The following ZFYVE16 variants were observed in gnomAD, a reference collection of about 807,000 sequenced individuals.
The protein encoded by ZFYVE16 is zinc finger FYVE domain-containing protein 16.
In ZFYVE16, 89 loss-of-function variants were observed where a neutral mutation model predicts 138.1. The ratio of observed to expected loss-of-function variants is 0.64; its 90% CI spans 0.54 to 0.77. The LOEUF (loss-of-function observed/expected upper bound fraction) is 0.77. Ranked by LOEUF, ZFYVE16 falls within the 30% of genes least tolerant of loss-of-function variation. ZFYVE16 has a pLI of 0.00. For missense variants in ZFYVE16, 1,793 were observed against 1,786.7 expected, an observed-to-expected ratio of 1.00 and a Z score of -0.06; for synonymous variants, 596 against 618.3, an observed-to-expected ratio of 0.96 and a Z score of 0.53.
chr5:80,440,539 A>G lies in ZFYVE16; in HGVS notation c.2419+507A>G, dbSNP rs904837885. ...CACACTATTTGCACATTTTTGTCTC[A>G]TGTTTTTTTCTTTTCTCAACTTTAG... On this transcript the variant is annotated intron_variant, in intron 5 of 18. Transcript: ENST00000505560. The G allele has an allele frequency of 1.2e-5, 12 of 984,748 alleles. No homozygotes were observed. The African/African-American group carries it at 1.9e-4, about 16-fold the overall frequency. 61.0% of individuals were successfully genotyped at this position (984,748 alleles called of 1,614,324 possible). A position where few individuals can be genotyped will look rare whatever the true frequency, so the allele number is the denominator to read the frequency against.
rs1755127601 is a variant in ZFYVE16, at chr5:80,478,773, A to G, written c.*1396A>G. 1 of 152,154 alleles carries G rather than the reference A, an allele frequency of 6.6e-6. No individual in the cohort carries two copies. Among genetic ancestry groups the G allele is most frequent in the Non-Finnish European group, 1.5e-5 (1 of 67,984 alleles). The allele number at this position is 152,154 out of a possible 1,614,324, so 9.4% of individuals were successfully genotyped here. A position where few individuals can be genotyped will look rare whatever the true frequency, so the allele number is the denominator to read the frequency against. On this transcript the variant is annotated 3_prime_UTR_variant, in exon 19 of 19. Transcript: ENST00000505560. ...AGAATTTTAATCAGTTTGGGCATATAGTTTGGACTGAATCACATCTGTAGT... is the reference window on the plus strand; with the variant it reads ...AGAATTTTAATCAGTTTGGGCATATGGTTTGGACTGAATCACATCTGTAGT...
At position 80,470,035 on chromosome 5, in the gene ZFYVE16, GTATA is replaced by G. The variant is rs531281055; in HGVS notation, c.4025-2720_4025-2717del. Among the ~76,000 whole-genome samples, 395 of 147,926 alleles carry G rather than the reference GTATA, an allele frequency of 2.7e-3. 2 individuals carry two copies. Among genetic ancestry groups the G allele is most frequent in the African/African-American group, 9.5e-3 (380 of 40,080 alleles). Reference sequence around the variant, plus strand: ...CATACATATATACATATATATGTGTGTATATATATGTGTGTGTGTGTATATATAC... The same window carrying G: ...CATACATATATACATATATATGTGTGTATATGTGTGTGTGTGTATATATAC... On this transcript the variant is annotated intron_variant, in intron 15 of 18. Coordinates refer to ENST00000505560, the MANE Select transcript of ZFYVE16 (RefSeq NM_001284236.3).
chr5:80,416,187 G>A (rs1746190181), intron 1 of ZFYVE16, among the ~76,000 whole-genome samples: 1 of 150,284 alleles, frequency 6.7e-6, no homozygotes, highest in Admixed American at 6.6e-5. Flanking sequence ...TTGCGTGGGA[G>A]ATTTGTCTTT....
intron 6 of ZFYVE16, among the ~76,000 whole-genome samples, chr5:80,444,215 A>G (rs1751039234): frequency 1.3e-5 from 2 of 152,174 alleles, no homozygotes; most frequent in Non-Finnish European, 1.5e-5. Context: ...TAATGAAATA[A>G]GGAGACTCAG....
intron 1 of ZFYVE16, among the ~76,000 whole-genome samples, chr5:80,422,452 T>A (rs565810057): frequency 2.5e-4 from 38 of 152,238 alleles, no homozygotes; most frequent in African/African-American, 8.9e-4. Flanking sequence ...ATATTGTATT[T>A]GTTTTGTTTT....
intron 15 of ZFYVE16, among the ~76,000 whole-genome samples, chr5:80,467,183 G>T (rs746985347): frequency 6.6e-6 from 1 of 152,214 alleles, no homozygotes; most frequent in African/African-American, 2.4e-5. Flanking sequence ...TATTTAACCA[G>T]CCTCTAGCTA....
intron 7 of ZFYVE16, among the ~76,000 whole-genome samples, chr5:80,445,793 A>G (rs1448945681): frequency 2.0e-5 from 3 of 148,604 alleles, no homozygotes; most frequent in South Asian, 2.1e-4. Context: ...TGGTCTCACT[A>G]TTTTGCCCAG....
chr5:80,459,641 GT>G lies in ZFYVE16; in HGVS notation c.4024+148del, dbSNP rs1172909946. 2.2e-3 allele frequency: 1,337 copies of G among 621,758 alleles called. 5 individuals carry two copies. The highest frequency in any genetic ancestry group is 2.7e-3 in the Non-Finnish European group (993 of 372,420). The allele number at this position is 621,758 out of a possible 1,614,324, so 38.5% of individuals were successfully genotyped here. ...ATGAAATCATCAACCAGCACAAGAA[GT>G]AGAAGACTTATCTCTCTCTTCTGCG... On this transcript the variant is annotated intron_variant, in intron 15 of 18. Coordinates refer to ENST00000505560, the MANE Select transcript of ZFYVE16 (RefSeq NM_001284236.3).
At position 80,443,189 on chromosome 5, in the gene ZFYVE16, G is replaced by A. The variant is rs759227321; in HGVS notation, c.2486G>A (p.Cys829Tyr). 11 of 1,607,522 alleles carry A rather than the reference G, an allele frequency of 6.8e-6. No homozygotes were observed. In the Admixed American group the frequency reaches 1.2e-4, roughly 18 times the overall value. ...SNLKSNHSDECTTVQPPQENQ... is the reference protein window; with the variant it reads ...SNLKSNHSDEYTTVQPPQENQ... The stretch of plus-strand genomic sequence containing the variant: ...CTTAAGTCTAATCATTCTGATGAAT[G>A]TACTACTGTCCAGCCTCCTCAGGAG... Residue 829 changes from cysteine to tyrosine, a missense_variant, in exon 6 of 19, where the codon TGT becomes TAT. Transcript: ENST00000505560.
chr5:80,431,094 C>A (rs113267402), intron 2 of ZFYVE16, among the ~76,000 whole-genome samples: 3 of 152,226 alleles, frequency 2.0e-5, no homozygotes, highest in African/African-American at 7.2e-5. Flanking sequence ...TTTATGAGGC[C>A]AGCATCATCC....
chr5:80,440,964 C>T, intron 5 of ZFYVE16: 1 of 985,332 alleles, frequency 1.0e-6, no homozygotes, highest in African/African-American at 1.7e-5. Context: ...AGGTAAGCTG[C>T]TTTTCTCCCT....
chr5:80,466,770 A>G (rs969653747), intron 15 of ZFYVE16, among the ~76,000 whole-genome samples: 1 of 152,244 alleles, frequency 6.6e-6, no homozygotes, highest in Non-Finnish European at 1.5e-5. Flanking sequence ...CCATATAAGG[A>G]ATGAGGAAAC....
rs1473645516 is a variant in ZFYVE16, at chr5:80,479,679, A to G, written c.*2302A>G. On this transcript the variant is annotated 3_prime_UTR_variant, in exon 19 of 19. Transcript: ENST00000505560. ...AATACAAGAATAATCTTAAAACATC[A>G]AAGAGATTTTCCAGACAATAAGGAA... Among the ~76,000 whole-genome samples the G allele has an allele frequency of 6.6e-6, 1 of 152,208 alleles. No individual in the cohort carries two copies. Among genetic ancestry groups the G allele is most frequent in the Non-Finnish European group, 1.5e-5 (1 of 68,030 alleles).
rs1751196558 is a variant in ZFYVE16, at chr5:80,445,365, G to A, written c.2684G>A (p.Cys895Tyr). Residue 895 changes from cysteine to tyrosine, a missense_variant, in exon 7 of 19, where the codon TGT becomes TAT. Coordinates refer to ENST00000505560, the MANE Select transcript of ZFYVE16 (RefSeq NM_001284236.3). ...AAATTATCATCTGGAAGTAAAAGAT[G>A]TTCTGAAGACTTTAGTCCTCTCTCA... ...TTKLSSGSKRCSEDFSPLSPD... is the reference protein window; with the variant it reads ...TTKLSSGSKRYSEDFSPLSPD... 1 of 1,613,902 alleles carries A rather than the reference G, an allele frequency of 6.2e-7. No homozygotes were observed. Among genetic ancestry groups the A allele is most frequent in the African/African-American group, 1.3e-5 (1 of 75,014 alleles).
chr5:80,480,432 G>GA lies in ZFYVE16; in HGVS notation c.*3064dup, dbSNP rs33910155. Among the ~76,000 whole-genome samples, 116,863 of 150,486 alleles carry GA rather than the reference G, an allele frequency of 0.78. 48,401 individuals are homozygous for GA. Among genetic ancestry groups the GA allele is most frequent in the East Asian group, 0.92 (4,705 of 5,134 alleles). On this transcript the variant is annotated 3_prime_UTR_variant, in exon 19 of 19. Transcript: ENST00000505560. ...CAGTGCACCATGGGAGAAACAGCTGGAAAAAAAAACAGAAGACCTGTAGAG... is the reference window on the plus strand; with the variant it reads ...CAGTGCACCATGGGAGAAACAGCTGGAAAAAAAAAACAGAAGACCTGTAGAG...
chr5:80,420,482 T>C (rs1746977540), intron 1 of ZFYVE16, among the ~76,000 whole-genome samples: 3 of 152,092 alleles, frequency 2.0e-5, no homozygotes, highest in African/African-American at 7.2e-5. Flanking sequence ...TGTGTGATGT[T>C]CCCCTTCCTG....
chr5:80,407,814 C>G (rs2112093177), upstream of ZFYVE16, among the ~76,000 whole-genome samples: 1 of 152,296 alleles, frequency 6.6e-6, no homozygotes, highest in Middle Eastern at 3.4e-3. Context: ...GAGTGGAGAA[C>G]CGAGTCCCGA....
At chr5:80,455,396 T>G (rs926904880) in intron 11 of ZFYVE16, 5 of 286,450 alleles carry the variant, frequency 1.7e-5, no homozygotes, top group Non-Finnish European at 2.6e-5. Context: ...TAGCCAGGTG[T>G]TGTGGCACAT....
At position 80,479,846 on chromosome 5, in the gene ZFYVE16, C is replaced by T. The variant is rs1174821861; in HGVS notation, c.*2469C>T. On this transcript the variant is annotated 3_prime_UTR_variant, in exon 19 of 19. Coordinates refer to ENST00000505560, the MANE Select transcript of ZFYVE16 (RefSeq NM_001284236.3). The stretch of plus-strand genomic sequence containing the variant: ...AACAGGAGACCCTCCACACAATAGG[C>T]TGAGACTCCCAAATACTTTCACCTT... Among the ~76,000 whole-genome samples, 3 of 152,102 alleles carry T rather than the reference C, an allele frequency of 2.0e-5. No individual in the cohort carries two copies. The highest frequency in any genetic ancestry group is 4.8e-5 in the African/African-American group (2 of 41,422).
Sources: allele counts gnomAD v4.1 joint callset (sites outside exome capture counted in the v4.1 genomes callset), GRCh38; gene constraint gnomAD v4.1.1; transcripts MANE v1.5; gene names NCBI Gene and HGNC (gene_info 2026-07-23, HGNC 2026-07-21).